Variants in C12orf54 observed in about 807,000 individuals in gnomAD.
The protein encoded by C12orf54 is uncharacterized protein C12orf54.
A neutral mutation model predicts 26.4 loss-of-function variants in C12orf54; 24 were observed. The observed-to-expected ratio is 0.91, with a 90% CI of 0.66 to 1.28. C12orf54 has a LOEUF of 1.28. Among genes scored for constraint, C12orf54 ranks in the 50% most tolerant of loss-of-function variants. The pLI is 0.00. For missense variants in C12orf54, 154 were observed against 150.9 expected (o/e 1.02, Z -0.11); for synonymous variants, 54 against 47.0 (o/e 1.15, Z -0.61).
chr12:48,440,424 C>G, the C12orf54 span, among the ~76,000 whole-genome samples: 2 of 152,186 alleles, frequency 1.3e-5, no homozygotes, highest in African/African-American at 4.8e-5. Context: ...ATGCCTCCCT[C>G]AAATATAGTT....
upstream of C12orf54, among the ~76,000 whole-genome samples, chr12:48,479,062 C>T (rs4760711): frequency 0.4 from 60,074 of 151,960 alleles, 12,486 homozygotes; most frequent in Middle Eastern, 0.5. Flanking sequence ...TACATGCACA[C>T]GTATGTTTAT....
At chr12:48,452,993 A>G in the C12orf54 span, among the ~76,000 whole-genome samples, 2 of 152,196 alleles carry the variant, frequency 1.3e-5, no homozygotes, top group South Asian at 4.1e-4. Context: ...TACTGAGTAT[A>G]TACCCAAAGG....
At chr12:48,425,120 G>T in the C12orf54 span, among the ~76,000 whole-genome samples, 1 of 151,998 alleles carries the variant, frequency 6.6e-6, no homozygotes, top group Non-Finnish European at 1.5e-5. Flanking sequence ...ACATGTGCAG[G>T]TTTGTTATAT....
At chr12:48,478,672 C>A (rs1954169040), upstream of C12orf54, among the ~76,000 whole-genome samples, 1 of 152,050 alleles carries the variant, frequency 6.6e-6, no homozygotes. Flanking sequence ...AATAAAATAC[C>A]TAGGAATCCA....
the C12orf54 span, chr12:48,473,178 G>T: frequency 7.1e-7 from 1 of 1,399,174 alleles, no homozygotes. Flanking sequence ...TGACAAGGAG[G>T]AGGATGAGGA....
chr12:48,476,012 C>G, the C12orf54 span, among the ~76,000 whole-genome samples: 5 of 151,802 alleles, frequency 3.3e-5, no homozygotes, highest in Non-Finnish European at 5.9e-5. Context: ...TTGGGTTACC[C>G]ACAAAGGGAA....
the C12orf54 span, among the ~76,000 whole-genome samples, chr12:48,474,508 C>A: frequency 6.6e-6 from 1 of 152,186 alleles, no homozygotes; most frequent in African/African-American, 2.4e-5. Context: ...AAAGGGGTGA[C>A]AGATGGCACC....
chr12:48,493,062 A>G, intron 7 of C12orf54, 67 bp downstream of exon 7: 2 of 1,411,642 alleles, frequency 1.4e-6, no homozygotes, highest in Admixed American at 1.7e-5. Flanking sequence ...TGTGCTGGCC[A>G]TGAATATAGC....
the C12orf54 span, among the ~76,000 whole-genome samples, chr12:48,445,115 G>A: frequency 1.0e-3 from 158 of 152,254 alleles, 1 homozygote; most frequent in Non-Finnish European, 1.8e-3. Flanking sequence ...AGAGCTTGCA[G>A]TGAGCCAAGA....
intron 5 of C12orf54, among the ~76,000 whole-genome samples, chr12:48,489,766 G>T (rs2137093023): frequency 6.7e-6 from 1 of 149,136 alleles, no homozygotes; most frequent in South Asian, 2.1e-4. Context: ...CTGTCACCCA[G>T]GCTAGAGTGT....
In C12orf54 at chr12:48,486,138, C is replaced by T. The variant is rs200634485; in HGVS notation, c.66-40C>T. The T allele has an allele frequency of 5.3e-4, 832 of 1,574,992 alleles. 8 individuals carry two copies. The highest frequency in any genetic ancestry group is 3.1e-4 in the East Asian group (14 of 44,790). ...TTAGGAGAAGGCTTTAGCCCACATT[C>T]TGTGCTCCTCATCAGGTTTATATCA... is the stretch of plus-strand genomic sequence containing the variant. On this transcript the variant is annotated intron_variant, in intron 2 of 8. Coordinates refer to ENST00000548364, the MANE Select transcript of C12orf54 (RefSeq NM_152319.4).
intron 5 of C12orf54, among the ~76,000 whole-genome samples, chr12:48,490,324 CA>C (rs1937760418): frequency 6.6e-6 from 1 of 152,134 alleles, no homozygotes; most frequent in Admixed American, 6.5e-5. Flanking sequence ...GTGAGAGATA[CA>C]AAAACAATAC....
At chr12:48,427,272 G>A in the C12orf54 span, among the ~76,000 whole-genome samples, 3 of 152,170 alleles carry the variant, frequency 2.0e-5, no homozygotes. Flanking sequence ...AGTTTATTGA[G>A]GGTTTTTAAC....
At chr12:48,439,954 G>C in the C12orf54 span, among the ~76,000 whole-genome samples, 4 of 152,108 alleles carry the variant, frequency 2.6e-5, no homozygotes, top group Non-Finnish European at 5.9e-5. Flanking sequence ...GCCAGTCACG[G>C]TGGCTCATGC....
the C12orf54 span, among the ~76,000 whole-genome samples, chr12:48,432,222 T>C: frequency 6.6e-6 from 1 of 152,208 alleles, no homozygotes; most frequent in African/African-American, 2.4e-5. Context: ...TTTCAATGAA[T>C]TTATTTTTTT....
chr12:48,481,210 T>A (rs554287495), upstream of C12orf54, among the ~76,000 whole-genome samples: 552 of 151,158 alleles, frequency 3.7e-3, 6 homozygotes, highest in Non-Finnish European at 4.3e-3. Context: ...GTTTTTTTTT[T>A]AAAAAAAATG....
chr12:48,448,725 G>A, the C12orf54 span, among the ~76,000 whole-genome samples: 1 of 152,206 alleles, frequency 6.6e-6, no homozygotes, highest in African/African-American at 2.4e-5. Context: ...GAGTGGCCAT[G>A]CTTGCCTTAT....
At chr12:48,475,906 A>G in the C12orf54 span, among the ~76,000 whole-genome samples, 1 of 151,980 alleles carries the variant, frequency 6.6e-6, no homozygotes, top group Non-Finnish European at 1.5e-5. Flanking sequence ...CGCCACAAAG[A>G]TACTCCTCGA....
At chr12:48,460,265 G>C in the C12orf54 span, among the ~76,000 whole-genome samples, 1 of 151,946 alleles carries the variant, frequency 6.6e-6, no homozygotes, top group East Asian at 1.9e-4. Flanking sequence ...TTCCAGTTTT[G>C]AAACACTCAT....
Sources: allele counts gnomAD v4.1 joint callset (sites outside exome capture counted in the v4.1 genomes callset), GRCh38; gene constraint gnomAD v4.1.1; transcripts MANE v1.5; gene names NCBI Gene and HGNC (gene_info 2026-07-23, HGNC 2026-07-21).